ODAD2: variants seen among roughly 807,000 people sequenced by gnomAD.
ODAD2 encodes the protein outer dynein arm-docking complex subunit 2.
A neutral mutation model predicts 106.8 loss-of-function variants in ODAD2; 89 were observed. The observed-to-expected ratio is 0.83, with a 90% CI of 0.70 to 0.99. The LOEUF is 0.99. Among genes scored for constraint, ODAD2 ranks in the 50% least tolerant of loss-of-function variants. The pLI, the probability that ODAD2 is intolerant of heterozygous loss-of-function variation, is 0.00. For synonymous variants in ODAD2, 404 were observed against 436.2 expected, an observed-to-expected ratio of 0.93 and a Z score of 0.92; for missense variants, 1,168 against 1,238.5, an observed-to-expected ratio of 0.94 and a Z score of 0.85.
intron 5 of ODAD2, 68 bp downstream of exon 5, chr10:27,984,116 G>A: frequency 1.3e-6 from 2 of 1,486,446 alleles, no homozygotes; most frequent in Non-Finnish European, 1.9e-6. Flanking sequence ...TGTAGACATT[G>A]AAAGCATTTT....
intron 19 of ODAD2, among the ~76,000 whole-genome samples, chr10:27,829,054 G>A (rs1249729302): frequency 1.3e-5 from 2 of 151,880 alleles, no homozygotes; most frequent in African/African-American, 2.4e-5. Flanking sequence ...TCCCTCATGT[G>A]GATAAAATTA....
At chr10:27,869,948 T>G (rs1840737007) in intron 17 of ODAD2, among the ~76,000 whole-genome samples, 1 of 152,100 alleles carries the variant, frequency 6.6e-6, no homozygotes, top group Non-Finnish European at 1.5e-5. Flanking sequence ...GGAGAGCAAA[T>G]GCAAATCAGT....
At chr10:27,912,476 T>C (rs571435964) in intron 16 of ODAD2, among the ~76,000 whole-genome samples, 22 of 152,266 alleles carry the variant, frequency 1.4e-4, no homozygotes, top group East Asian at 1.4e-3. Context: ...TATGTTAACA[T>C]TTTCCAGGAC....
intron 17 of ODAD2, among the ~76,000 whole-genome samples, chr10:27,864,403 A>C (rs900121682): frequency 6.8e-6 from 1 of 146,210 alleles, no homozygotes; most frequent in Non-Finnish European, 1.5e-5. Flanking sequence ...ATGGGCTTGG[A>C]GCTTAGAAAA....
chr10:27,834,226 T>C (rs1430271822), intron 19 of ODAD2, among the ~76,000 whole-genome samples: 1 of 152,184 alleles, frequency 6.6e-6, no homozygotes, highest in Non-Finnish European at 1.5e-5. Context: ...TAGGAGGTTG[T>C]TTTCCCTGGC....
At chr10:27,908,531 C>T (rs962024695) in intron 16 of ODAD2, among the ~76,000 whole-genome samples, 6 of 152,126 alleles carry the variant, frequency 3.9e-5, no homozygotes, top group Non-Finnish European at 7.4e-5. Flanking sequence ...ACTTAATAAC[C>T]TTTACAAACA....
chr10:27,953,934 A>G (rs1357938172), intron 10 of ODAD2, among the ~76,000 whole-genome samples: 2 of 152,206 alleles, frequency 1.3e-5, no homozygotes, highest in Non-Finnish European at 2.9e-5. Flanking sequence ...ACACCCACTC[A>G]GGGAGCAAGA....
At chr10:27,889,229 C>T (rs1842413339) in intron 17 of ODAD2, among the ~76,000 whole-genome samples, 1 of 152,090 alleles carries the variant, frequency 6.6e-6, no homozygotes. Flanking sequence ...CAAGTTGGAC[C>T]CAACCTTCTG....
At chr10:27,878,666 C>T (rs1326339415) in intron 17 of ODAD2, among the ~76,000 whole-genome samples, 1 of 152,062 alleles carries the variant, frequency 6.6e-6, no homozygotes, top group African/African-American at 2.4e-5. Context: ...CCTACACTAA[C>T]ATTAGAATAG....
chr10:27,920,390 G>C (rs1309799275), intron 16 of ODAD2, among the ~76,000 whole-genome samples: 2 of 152,150 alleles, frequency 1.3e-5, no homozygotes, highest in Non-Finnish European at 2.9e-5. Flanking sequence ...ACAGTAAATA[G>C]TACTGAGAAG....
At chr10:27,858,648 G>A (rs1839824072) in intron 19 of ODAD2, among the ~76,000 whole-genome samples, 1 of 70,280 alleles carries the variant, frequency 1.4e-5, no homozygotes, top group Admixed American at 1.4e-4. Flanking sequence ...TAACTGTGTG[G>A]GTGGGCCAAA....
intron 19 of ODAD2, among the ~76,000 whole-genome samples, chr10:27,817,600 T>C (rs1257486711): frequency 6.6e-6 from 1 of 152,160 alleles, no homozygotes; most frequent in African/African-American, 2.4e-5. Flanking sequence ...TGACTTTCTG[T>C]TTCTGAGTGA....
intron 19 of ODAD2, among the ~76,000 whole-genome samples, chr10:27,836,840 A>C (rs1837929914): frequency 6.6e-6 from 1 of 152,224 alleles, no homozygotes; most frequent in Non-Finnish European, 1.5e-5. Context: ...AATAATTATC[A>C]GAGCAAAAAC....
At chr10:27,988,592 C>T (rs1850028847) in intron 2 of ODAD2, among the ~76,000 whole-genome samples, 2 of 152,062 alleles carry the variant, frequency 1.3e-5, no homozygotes, top group South Asian at 4.1e-4. Context: ...CACACCTCGA[C>T]CTCCCAAAGT....
chr10:27,947,065 A>C (rs1335710657), intron 10 of ODAD2, among the ~76,000 whole-genome samples: 1 of 152,144 alleles, frequency 6.6e-6, no homozygotes, highest in Non-Finnish European at 1.5e-5. Flanking sequence ...TTTACTATTT[A>C]CTAATAAGTC....
chr10:27,849,470 C>G (rs1047518249), intron 19 of ODAD2, among the ~76,000 whole-genome samples: 1 of 152,034 alleles, frequency 6.6e-6, no homozygotes, highest in African/African-American at 2.4e-5. Flanking sequence ...TTAATGGGTG[C>G]AGCACACCAG....
intron 17 of ODAD2, among the ~76,000 whole-genome samples, chr10:27,870,501 C>T (rs1394438875): frequency 1.3e-5 from 2 of 152,090 alleles, no homozygotes; most frequent in African/African-American, 2.4e-5. Flanking sequence ...CTATCCCTCC[C>T]CCATCCCCCA....
Position 27,945,656 on chromosome 10 carries a change from G to T in ODAD2, c.1387-694C>A, listed in dbSNP as rs184303483. The stretch of plus-strand genomic sequence containing the variant: ...CAGGATTAAAAAACAAAACCCAAAA[G>T]ATTAAAAATAAAAAAGAATGATCAG... On this transcript the variant is annotated intron_variant, in intron 10 of 19. Coordinates refer to ENST00000305242, the MANE Select transcript of ODAD2 (RefSeq NM_018076.5). Among the ~76,000 whole-genome samples the T allele has an allele frequency of 4.4e-3, 669 of 152,186 alleles. 3 individuals carry two copies. The highest frequency in any genetic ancestry group is 0.015 in the African/African-American group (616 of 41,536).
chr10:27,858,682 T>G (rs923581662), intron 19 of ODAD2, among the ~76,000 whole-genome samples: 1 of 152,124 alleles, frequency 6.6e-6, no homozygotes, highest in African/African-American at 2.4e-5. Flanking sequence ...CTTTACACGG[T>G]AGGATAATAT....
Sources: allele counts gnomAD v4.1 joint callset (sites outside exome capture counted in the v4.1 genomes callset), GRCh38; gene constraint gnomAD v4.1.1; transcripts MANE v1.5; gene names NCBI Gene and HGNC (gene_info 2026-07-23, HGNC 2026-07-21).